GPHN: variants seen among roughly 807,000 people sequenced by gnomAD.
GPHN encodes the protein gephyrin.
In GPHN, 17 loss-of-function variants were observed where a neutral mutation model predicts 95.5. The observed-to-expected ratio is 0.18, with a 90% CI of 0.12 to 0.27. The LOEUF (loss-of-function observed/expected upper bound fraction) is 0.27, where lower values mean the gene tolerates loss of function less well. GPHN is among the 10% of genes least tolerant of loss of function. The probability of loss-of-function intolerance (pLI) is 1.00; values close to 1 mark genes in which losing one functional copy is unlikely to be tolerated. For missense variants in GPHN, 660 were observed against 978.1 expected, an observed-to-expected ratio of 0.67 and a Z score of 4.34; for synonymous variants, 320 against 322.5, an observed-to-expected ratio of 0.99 and a Z score of 0.08.
At chr14:66,634,834 G>A (rs1213068506) in intron 1 of GPHN, among the ~76,000 whole-genome samples, 1 of 152,190 alleles carries the variant, frequency 6.6e-6, no homozygotes, top group African/African-American at 2.4e-5. Flanking sequence ...TACCACCATT[G>A]TTTATTAGAT....
At chr14:66,543,990 G>A (rs1421086043) in intron 1 of GPHN, among the ~76,000 whole-genome samples, 2 of 152,270 alleles carry the variant, frequency 1.3e-5, no homozygotes, top group East Asian at 3.9e-4. Flanking sequence ...ATTTCACTCA[G>A]TTTAAAAGCC....
chr14:67,128,256 TCTAC>T (rs2079456329), intron 17 of GPHN, among the ~76,000 whole-genome samples: 2 of 150,548 alleles, frequency 1.3e-5, no homozygotes, highest in Admixed American at 1.3e-4. Flanking sequence ...CAACCCTATT[TCTAC>T]TTTTTTTTTT....
At chr14:66,728,213 G>T (rs2153432142) in intron 2 of GPHN, among the ~76,000 whole-genome samples, 1 of 152,204 alleles carries the variant, frequency 6.6e-6, no homozygotes, top group East Asian at 1.9e-4. Context: ...GGATGGAAAT[G>T]CCTGGATGTC....
chr14:67,496,778 C>T, the GPHN span, among the ~76,000 whole-genome samples: 3 of 96,924 alleles, frequency 3.1e-5, no homozygotes, highest in African/African-American at 1.0e-4. Flanking sequence ...TTCCTCCCTC[C>T]CTCATTTCTG....
At chr14:66,685,986 C>G (rs1009224747) in intron 2 of GPHN, among the ~76,000 whole-genome samples, 3 of 134,560 alleles carry the variant, frequency 2.2e-5, no homozygotes, top group African/African-American at 3.5e-5. Flanking sequence ...TTTCCCAGCA[C>G]CATTTATTAA....
chr14:67,541,477 G>C, the GPHN span, among the ~76,000 whole-genome samples: 5 of 152,238 alleles, frequency 3.3e-5, no homozygotes, highest in Non-Finnish European at 7.3e-5. Context: ...CAGAGCACAG[G>C]GTCAGGCATA....
At chr14:66,947,389 C>T (rs1470242536) in intron 8 of GPHN, among the ~76,000 whole-genome samples, 2 of 152,136 alleles carry the variant, frequency 1.3e-5, no homozygotes, top group Admixed American at 6.5e-5. Flanking sequence ...CTTATAGTTA[C>T]AATTATATAC....
chr14:67,487,712 T>A, the GPHN span, among the ~76,000 whole-genome samples: 16 of 152,202 alleles, frequency 1.1e-4, no homozygotes, highest in Non-Finnish European at 1.6e-4. Flanking sequence ...ACCATTATTA[T>A]GGTTGAGGCC....
At chr14:67,526,108 G>A in the GPHN span, among the ~76,000 whole-genome samples, 1 of 152,182 alleles carries the variant, frequency 6.6e-6, no homozygotes, top group African/African-American at 2.4e-5. Flanking sequence ...TTCCTCTTCC[G>A]GACCTGGACT....
chr14:67,682,367 A>G, the GPHN span, among the ~76,000 whole-genome samples: 4 of 152,228 alleles, frequency 2.6e-5, no homozygotes, highest in African/African-American at 9.6e-5. Context: ...ATATCTGACA[A>G]GGAACTCGCA....
chr14:66,861,341 T>C (rs912321494), intron 4 of GPHN, among the ~76,000 whole-genome samples: 2 of 151,996 alleles, frequency 1.3e-5, no homozygotes, highest in Admixed American at 1.3e-4. Flanking sequence ...CATACAGATA[T>C]ATAAAGAAAA....
the GPHN span, among the ~76,000 whole-genome samples, chr14:67,365,988 A>T: frequency 6.0e-4 from 92 of 152,292 alleles, no homozygotes; most frequent in Non-Finnish European, 1.0e-4. Context: ...GCCCCGCCCA[A>T]AATTATTAAA....
At chr14:66,919,927 C>A (rs984025386) in intron 6 of GPHN, among the ~76,000 whole-genome samples, 1 of 152,054 alleles carries the variant, frequency 6.6e-6, no homozygotes, top group South Asian at 2.1e-4. Flanking sequence ...ACTAGCCAGG[C>A]GTGGTGGCAG....
Position 67,031,428 on chromosome 14 carries a change from C to T in GPHN, c.1006+7753C>T, listed in dbSNP as rs964953289. 2.6e-5 allele frequency among the ~76,000 whole-genome samples: 4 copies of T among 152,102 alleles called. No homozygotes were observed. In the South Asian group the frequency reaches 6.2e-4, roughly 24 times the overall value. ...ATCTGACAATAGCTGCTTACCATCA[C>T]TTAGATTACCTTTCTTTATATAACT... On this transcript the variant is annotated intron_variant, in intron 10 of 22. Coordinates refer to ENST00000478722, the MANE Select transcript of GPHN (RefSeq NM_020806.5).
At chr14:67,111,736 A>G (rs1016136038) in intron 14 of GPHN, 125 bp from the exon 15 acceptor site, 6 of 769,156 alleles carry the variant, frequency 7.8e-6, no homozygotes, top group Non-Finnish European at 1.2e-5. Flanking sequence ...GGGTGTAGCA[A>G]ATAGTTTTCT....
intron 2 of GPHN, among the ~76,000 whole-genome samples, chr14:66,739,342 G>T (rs919950272): frequency 1.3e-5 from 2 of 149,032 alleles, no homozygotes; most frequent in African/African-American, 5.0e-5. Context: ...TCAGCCTCCC[G>T]AGTAGCTAGG....
the GPHN span, among the ~76,000 whole-genome samples, chr14:67,300,178 T>C: frequency 1.3e-5 from 2 of 152,180 alleles, no homozygotes; most frequent in Non-Finnish European, 2.9e-5. Context: ...GAGGACAGAC[T>C]GGTTTTGGTA....
chr14:67,685,258 A>G, the GPHN span: 2 of 1,442,946 alleles, frequency 1.4e-6, no homozygotes, highest in Non-Finnish European at 1.9e-6. Context: ...TTTGCAGAAT[A>G]GCCCAAAACA....
In GPHN at chr14:66,842,081, C is replaced by T. The variant is rs566125487; in HGVS notation, c.294+17515C>T. 2.8e-3 allele frequency among the ~76,000 whole-genome samples: 414 copies of T among 149,014 alleles called. 6 individuals are homozygous for T. The highest frequency in any genetic ancestry group is 9.7e-3 in the African/African-American group (390 of 40,338). On this transcript the variant is annotated intron_variant, in intron 4 of 22. Coordinates refer to ENST00000478722, the MANE Select transcript of GPHN (RefSeq NM_020806.5). ...GCCCCCGCCCCAACCCCCCCAGCCCCGCCCAAAAAAAGTAGATATTAGGTA... is the reference window on the plus strand; with the variant it reads ...GCCCCCGCCCCAACCCCCCCAGCCCTGCCCAAAAAAAGTAGATATTAGGTA...
Sources: gnomAD v4.1 joint callset for allele counts (sites outside exome capture counted in the v4.1 genomes callset) on GRCh38, gnomAD v4.1.1 for gene constraint, MANE v1.5 for transcripts, NCBI Gene and HGNC (gene_info 2026-07-23, HGNC 2026-07-21) for gene names.